Variants in RSF1 observed in about 807,000 individuals in gnomAD.
RSF1 encodes HBV pX-associated protein 8.
Under a neutral mutation model 145.2 loss-of-function variants are expected in RSF1, and 13 were observed. The ratio of observed to expected loss-of-function variants is 0.09; its 90% CI spans 0.06 to 0.14. The LOEUF is 0.14. Ranked by LOEUF, RSF1 falls within the 10% of genes least tolerant of loss-of-function variation. The pLI, the probability that RSF1 is intolerant of heterozygous loss-of-function variation, is 1.00. For missense variants in RSF1, 1,517 were observed against 1,718.2 expected, an observed-to-expected ratio of 0.88 and a Z score of 2.07; for synonymous variants, 577 against 592.6, an observed-to-expected ratio of 0.97 and a Z score of 0.38.
At chr11:77,769,184 A>G (rs2135942787) in intron 1 of RSF1, among the ~76,000 whole-genome samples, 1 of 152,244 alleles carries the variant, frequency 6.6e-6, no homozygotes, top group Admixed American at 6.5e-5. Flanking sequence ...CAGCCTCCCA[A>G]GTAGCTGGGA....
chr11:77,687,891 T>G (rs1960052244), intron 9 of RSF1, among the ~76,000 whole-genome samples: 1 of 152,192 alleles, frequency 6.6e-6, no homozygotes, highest in African/African-American at 2.4e-5. Flanking sequence ...GTTGTCAAAA[T>G]TTTTTCATCA....
chr11:77,812,169 AC>A (rs971077962), intron 1 of RSF1, among the ~76,000 whole-genome samples: 1 of 152,156 alleles, frequency 6.6e-6, no homozygotes, highest in African/African-American at 2.4e-5. Flanking sequence ...ACAGAGTGAG[AC>A]CCTGTCTATA....
intron 1 of RSF1, among the ~76,000 whole-genome samples, chr11:77,798,863 T>G (rs1010817095): frequency 2.0e-5 from 3 of 150,968 alleles, no homozygotes; most frequent in Middle Eastern, 3.4e-3. Flanking sequence ...GGGATAACAT[T>G]AGGAGACATA....
the RSF1 span, among the ~76,000 whole-genome samples, chr11:77,844,356 TTTTC>T: frequency 7.2e-5 from 11 of 152,024 alleles, no homozygotes; most frequent in Admixed American, 1.3e-4. Context: ...TTTTACAGTT[TTTTC>T]TTTCTTTCTT....
At chr11:77,807,436 A>G (rs1948688087) in intron 1 of RSF1, among the ~76,000 whole-genome samples, 1 of 152,242 alleles carries the variant, frequency 6.6e-6, no homozygotes, top group South Asian at 2.1e-4. Context: ...AACAAGATCA[A>G]GCAAACATGA....
upstream of RSF1, among the ~76,000 whole-genome samples, chr11:77,825,745 G>A (rs1313350198): frequency 3.3e-5 from 5 of 150,576 alleles, no homozygotes; most frequent in Non-Finnish European, 5.9e-5. Flanking sequence ...TGGCTGGAGT[G>A]CAGTGGCACG....
At chr11:77,847,565 G>C in the RSF1 span, among the ~76,000 whole-genome samples, 5 of 152,170 alleles carry the variant, frequency 3.3e-5, no homozygotes, top group Admixed American at 6.5e-5. Context: ...AGATATAGAA[G>C]GGACAGAATG....
rs536003667 is a variant in RSF1, at chr11:77,666,635, C to T, written c.*282G>A. The stretch of plus-strand genomic sequence containing the variant: ...CAGGAAATATAAAGTCAAAAATATA[C>T]AAATCTTTGTTGTTATTATAATAAG... On this transcript the variant is annotated 3_prime_UTR_variant, in exon 16 of 16. Coordinates refer to ENST00000308488, the MANE Select transcript of RSF1 (RefSeq NM_016578.4). 8.2e-6 allele frequency: 2 copies of T among 243,682 alleles called. No individual in the cohort carries two copies. Among genetic ancestry groups the T allele is most frequent in the East Asian group, 8.2e-5 (1 of 12,136 alleles). 15.1% of individuals were successfully genotyped at this position (243,682 alleles called of 1,614,324 possible).
chr11:77,817,027 A>G (rs1361146028), intron 1 of RSF1, among the ~76,000 whole-genome samples: 1 of 152,212 alleles, frequency 6.6e-6, no homozygotes, highest in East Asian at 1.9e-4. Context: ...TTCCTCCTGA[A>G]AAATAAAGGC....
At chr11:77,742,444 T>C (rs1947951765) in intron 3 of RSF1, among the ~76,000 whole-genome samples, 1 of 152,166 alleles carries the variant, frequency 6.6e-6, no homozygotes, top group Non-Finnish European at 1.5e-5. Flanking sequence ...CATGCCCAGC[T>C]AATTTTTGTA....
chr11:77,686,556 T>C (rs933317998), intron 9 of RSF1, among the ~76,000 whole-genome samples: 1 of 152,100 alleles, frequency 6.6e-6, no homozygotes, highest in Non-Finnish European at 1.5e-5. Flanking sequence ...GCTTGTAATG[T>C]TCCTTATATA....
chr11:77,690,411 G>C (rs537440815), intron 9 of RSF1, among the ~76,000 whole-genome samples: 1 of 152,178 alleles, frequency 6.6e-6, no homozygotes, highest in South Asian at 2.1e-4. Flanking sequence ...CAATATTTGG[G>C]CCAATATTTA....
At chr11:77,849,244 C>T in the RSF1 span, among the ~76,000 whole-genome samples, 1 of 151,692 alleles carries the variant, frequency 6.6e-6, no homozygotes, top group African/African-American at 2.4e-5. Context: ...TTTTTTGAGA[C>T]AGAGTCTTGC....
At chr11:77,852,129 G>A in the RSF1 span, among the ~76,000 whole-genome samples, 3 of 149,816 alleles carry the variant, frequency 2.0e-5, no homozygotes, top group Non-Finnish European at 4.4e-5. Context: ...CACTTTGGGA[G>A]GACGAGGGAC....
At chr11:77,767,726 C>T (rs1272330966) in intron 1 of RSF1, among the ~76,000 whole-genome samples, 1 of 152,154 alleles carries the variant, frequency 6.6e-6, no homozygotes, top group Non-Finnish European at 1.5e-5. Flanking sequence ...ACCTTTTTGT[C>T]CCTGGAACAC....
chr11:77,845,785 T>G, the RSF1 span, among the ~76,000 whole-genome samples: 1 of 152,206 alleles, frequency 6.6e-6, no homozygotes, highest in South Asian at 2.1e-4. Flanking sequence ...TATTTTTTAT[T>G]TGGTAAGATA....
intron 4 of RSF1, among the ~76,000 whole-genome samples, chr11:77,728,502 G>A (rs1171784261): frequency 6.9e-6 from 1 of 145,450 alleles, no homozygotes; most frequent in Non-Finnish European, 1.5e-5. Flanking sequence ...TGGAGAAACA[G>A]GAAAGGAAAG....
chr11:77,781,239 C>G (rs921792180), intron 1 of RSF1, among the ~76,000 whole-genome samples: 1 of 152,078 alleles, frequency 6.6e-6, no homozygotes, highest in African/African-American at 2.4e-5. Flanking sequence ...CCTGGGATTA[C>G]AGGCATGTGC....
At chr11:77,735,054 G>A in intron 4 of RSF1, 1 of 1,299,844 alleles carries the variant, frequency 7.7e-7, no homozygotes, top group Non-Finnish European at 1.1e-6. Context: ...GGTGGCGGCG[G>A]TGGCAGTGGC....
Sources: gnomAD v4.1 joint callset for allele counts (sites outside exome capture counted in the v4.1 genomes callset) on GRCh38, gnomAD v4.1.1 for gene constraint, MANE v1.5 for transcripts, NCBI Gene and HGNC (gene_info 2026-07-23, HGNC 2026-07-21) for gene names.